The following C4orf36 variants were observed in gnomAD, a reference collection of about 807,000 sequenced individuals.
The protein encoded by C4orf36 is chromosome 4 open reading frame 36.
Under a neutral mutation model 12.2 loss-of-function variants are expected in C4orf36, and 11 were observed. That is an observed-to-expected ratio of 0.90 (90% CI 0.57 to 1.49). The LOEUF (loss-of-function observed/expected upper bound fraction) is 1.49, where lower values mean the gene tolerates loss of function less well. Ranked by LOEUF, C4orf36 falls within the 40% of genes most tolerant of loss-of-function variation. The pLI is 0.00. For missense variants in C4orf36, 137 were observed against 133.9 expected, an observed-to-expected ratio of 1.02 and a Z score of -0.11; for synonymous variants, 54 against 51.3, an observed-to-expected ratio of 1.05 and a Z score of -0.22.
intron 3 of C4orf36, 59 bp downstream of exon 3, chr4:86,888,062 T>C: frequency 6.3e-7 from 1 of 1,581,672 alleles, no homozygotes; most frequent in Non-Finnish European, 8.6e-7. Context: ...AACATTTCTC[T>C]GATAAGCAAA....
In C4orf36 at chr4:86,885,129, C is replaced by T. The variant is rs561730987; in HGVS notation, c.*2+2629G>A. ...TGTAGTATAGTTTGAAGTCAGGTAG[C>T]GTGATGCCTCCAGCTTTGTTCTTTT... On this transcript the variant is annotated intron_variant, in intron 4 of 4. Coordinates refer to ENST00000295898, the MANE Select transcript of C4orf36 (RefSeq NM_144645.4). Among the ~76,000 whole-genome samples, 610 of 152,132 alleles carry T rather than the reference C, an allele frequency of 4.0e-3. 4 individuals carry two copies. Among genetic ancestry groups the T allele is most frequent in the African/African-American group, 0.013 (557 of 41,500 alleles).
the C4orf36 span, among the ~76,000 whole-genome samples, chr4:86,920,469 G>C: frequency 3.3e-5 from 5 of 152,020 alleles, no homozygotes; most frequent in Admixed American, 6.6e-5. Context: ...CTCCAATCTT[G>C]GTACCAATTT....
chr4:86,919,124 G>GAC, the C4orf36 span, among the ~76,000 whole-genome samples: 2 of 42,488 alleles, frequency 4.7e-5, no homozygotes, highest in Non-Finnish European at 1.4e-4. Context: ...CTCCAGGAGA[G>GAC]AGAGAGAGAG....
intron 1 of C4orf36, 104 bp from the exon 2 acceptor site, chr4:86,891,697 C>A: frequency 1.9e-6 from 2 of 1,078,224 alleles, no homozygotes; most frequent in Non-Finnish European, 1.3e-6. Flanking sequence ...AATAAGTGTT[C>A]ATTGAACTGG....
chr4:86,907,177 G>A, the C4orf36 span, among the ~76,000 whole-genome samples: 88 of 152,316 alleles, frequency 5.8e-4, no homozygotes, highest in African/African-American at 1.9e-3. Flanking sequence ...GGTGTGAGAT[G>A]ATCACTTAGA....
chr4:86,929,122 A>G, the C4orf36 span, among the ~76,000 whole-genome samples: 5 of 152,150 alleles, frequency 3.3e-5, no homozygotes, highest in Non-Finnish European at 5.9e-5. Flanking sequence ...GTCGCTGCAT[A>G]ACAAATTACC....
intron 2 of C4orf36, 148 bp downstream of exon 2, chr4:86,891,308 A>AAC: frequency 3.1e-6 from 2 of 652,992 alleles, no homozygotes; most frequent in South Asian, 5.3e-5. Context: ...AAAAAAAAAA[A>AAC]AAAAATCAGA....
chr4:86,893,799 C>T (rs1156636714), upstream of C4orf36, among the ~76,000 whole-genome samples: 2 of 152,012 alleles, frequency 1.3e-5, no homozygotes, highest in African/African-American at 4.8e-5. Context: ...TGTTTTCTTT[C>T]CACAAAGAAT....
the C4orf36 span, among the ~76,000 whole-genome samples, chr4:86,916,817 T>C: frequency 6.6e-6 from 1 of 152,368 alleles, no homozygotes; most frequent in African/African-American, 2.4e-5. Flanking sequence ...GTAATGGGAA[T>C]ACAGCAGTGA....
chr4:86,917,115 A>G, the C4orf36 span, among the ~76,000 whole-genome samples: 2 of 151,716 alleles, frequency 1.3e-5, no homozygotes, highest in Non-Finnish European at 2.9e-5. Flanking sequence ...CCATTTCTAC[A>G]AAAAAAATAA....
At position 86,892,257 on chromosome 4, in the gene C4orf36, G is replaced by C. The variant is rs946027846; in HGVS notation, c.-148C>G. ...GGCTTCCAGGGTGGCGGGTCCCCGCGAGCCGGCGCCGGCGGCCTGGTTACC... is the reference window on the plus strand; with the variant it reads ...GGCTTCCAGGGTGGCGGGTCCCCGCCAGCCGGCGCCGGCGGCCTGGTTACC... On this transcript the variant is annotated 5_prime_UTR_variant, in exon 1 of 5. Coordinates refer to ENST00000295898, the MANE Select transcript of C4orf36 (RefSeq NM_144645.4). 2.0e-6 allele frequency: 2 copies of C among 985,760 alleles called. No individual in the cohort carries two copies. The highest frequency in any genetic ancestry group is 1.7e-5 in the African/African-American group (1 of 57,266). 61.1% of individuals were successfully genotyped at this position (985,760 alleles called of 1,614,324 possible).
the C4orf36 span, chr4:86,913,458 G>T: frequency 1.3e-6 from 1 of 762,588 alleles, no homozygotes; most frequent in Non-Finnish European, 2.4e-6. Flanking sequence ...TGTTGCAAAA[G>T]CATTCATGAC....
At chr4:86,896,378 A>T (rs983555713), upstream of C4orf36, among the ~76,000 whole-genome samples, 16 of 152,138 alleles carry the variant, frequency 1.1e-4, no homozygotes, top group African/African-American at 3.6e-4. Context: ...AAAAAGTGAC[A>T]TTTTCTTTCT....
At chr4:86,919,902 G>T in the C4orf36 span, among the ~76,000 whole-genome samples, 1 of 152,056 alleles carries the variant, frequency 6.6e-6, no homozygotes, top group South Asian at 2.1e-4. Flanking sequence ...GAGAGTGGGG[G>T]AGTAGCATCC....
chr4:86,914,736 G>A, the C4orf36 span: 4 of 424,266 alleles, frequency 9.4e-6, no homozygotes, highest in Admixed American at 1.3e-4. Flanking sequence ...GGTGATTATT[G>A]GAACTGAGGG....
chr4:86,911,204 CTTGGTGACAGG>C, the C4orf36 span, among the ~76,000 whole-genome samples: 3 of 152,172 alleles, frequency 2.0e-5, no homozygotes, highest in Admixed American at 2.0e-4. Flanking sequence ...AGGCAGAAGG[CTTGGTGACAGG>C]TTGGATGTAA....
upstream of C4orf36, among the ~76,000 whole-genome samples, chr4:86,893,869 TTTATTTA>T (rs1747523820): frequency 1.4e-4 from 2 of 14,672 alleles, no homozygotes; most frequent in Admixed American, 6.3e-4. Flanking sequence ...TGAATTTTTA[TTTATTTA>T]TTTATTTATT....
At chr4:86,886,934 T>TA (rs1312523659) in intron 4 of C4orf36, 1 of 152,070 alleles carries the variant, frequency 6.6e-6, no homozygotes, top group Non-Finnish European at 1.5e-5. Context: ...TATGCAGCCA[T>TA]AAAAAATAAT....
Position 86,887,867 on chromosome 4 carries a change from C to G in C4orf36, c.247G>C (p.Val83Leu), listed in dbSNP as rs72613147. ...ESIKLEREYE[V>L]KRLCKLKCQE... ...CACTTCAGTTTACAAAGACGCTTCA[C>G]TTCATACTCCCTTTCGAGTTTGATA... The change falls in exon 4 of 5, where the codon GTG becomes CTG. Residue 83 changes from valine (V) to leucine (L), a missense_variant. Coordinates refer to ENST00000295898, the MANE Select transcript of C4orf36 (RefSeq NM_144645.4). 0.18 allele frequency: 291,642 copies of G among 1,613,800 alleles called. 27,755 individuals carry two copies. The highest frequency in any genetic ancestry group is 0.23 in the South Asian group (21,088 of 91,044).
Sources: gnomAD v4.1 joint callset for allele counts (sites outside exome capture counted in the v4.1 genomes callset) on GRCh38, gnomAD v4.1.1 for gene constraint, MANE v1.5 for transcripts, NCBI Gene and HGNC (gene_info 2026-07-23, HGNC 2026-07-21) for gene names.